The following PARD3B variants were observed in gnomAD, a reference collection of about 807,000 sequenced individuals.
PARD3B encodes par-3 family cell polarity regulator beta, also known as partitioning defective 3 homolog B.
PARD3B carries 103 observed loss-of-function variants against 130.2 expected under a neutral mutation model. The ratio of observed to expected loss-of-function variants is 0.79; its 90% CI spans 0.67 to 0.93. PARD3B has a LOEUF of 0.93. Among genes scored for constraint, PARD3B ranks in the 40% least tolerant of loss-of-function variants. PARD3B has a pLI of 0.00. For missense variants in PARD3B, 1,609 were observed against 1,499.2 expected (o/e 1.07, Z -1.21); for synonymous variants, 583 against 553.2 (o/e 1.05, Z -0.76).
At chr2:205,327,933 T>C (rs2042990036) in intron 18 of PARD3B, among the ~76,000 whole-genome samples, 1 of 152,218 alleles carries the variant, frequency 6.6e-6, no homozygotes, top group Admixed American at 6.5e-5. Context: ...TTTTATTTTT[T>C]CTGTTGAAAA....
chr2:205,510,175 A>G (rs2050536119), intron 21 of PARD3B, among the ~76,000 whole-genome samples: 1 of 152,222 alleles, frequency 6.6e-6, no homozygotes, highest in South Asian at 2.1e-4. Context: ...GTGAGAGAAT[A>G]GTACTGTCTC....
intron 1 of PARD3B, among the ~76,000 whole-genome samples, chr2:204,604,743 A>T (rs1410000338): frequency 6.6e-6 from 1 of 152,176 alleles, no homozygotes; most frequent in African/African-American, 2.4e-5. Flanking sequence ...TCCTTTAATA[A>T]ACAGTGCATT....
At position 204,656,577 on chromosome 2, in the gene PARD3B, C is replaced by G. The variant is rs993329723; in HGVS notation, c.121-29604C>G. Among the ~76,000 whole-genome samples, 6 of 152,308 alleles carry G rather than the reference C, an allele frequency of 3.9e-5. No individual in the cohort carries two copies. The South Asian group carries it at 1.0e-3, about 26-fold the overall frequency. ...GTTGAGAGCCACCCAGTCCTTAAATCACATTCTTGACAGAAGTGGAACTAT... is the reference window on the plus strand; with the variant it reads ...GTTGAGAGCCACCCAGTCCTTAAATGACATTCTTGACAGAAGTGGAACTAT... On this transcript the variant is annotated intron_variant, in intron 1 of 22. Coordinates refer to ENST00000406610, the MANE Select transcript of PARD3B (RefSeq NM_001302769.2).
chr2:205,610,405 T>C (rs1046327912), intron 22 of PARD3B, among the ~76,000 whole-genome samples: 2 of 152,220 alleles, frequency 1.3e-5, no homozygotes, highest in African/African-American at 4.8e-5. Flanking sequence ...ATTGCATTTA[T>C]GACAGAGACA....
At chr2:204,616,664 C>T (rs756043329) in intron 1 of PARD3B, among the ~76,000 whole-genome samples, 1 of 152,200 alleles carries the variant, frequency 6.6e-6, no homozygotes, top group Non-Finnish European at 1.5e-5. Context: ...AAAATCTGCA[C>T]ATGTATATTT....
At position 205,119,026 on chromosome 2, in the gene PARD3B, C is replaced by A. The variant is rs770309576; in HGVS notation, c.786C>A (p.Leu262=). The change falls in exon 7 of 23, where the codon CTC becomes CTA. Residue 262 remains leucine (L), a synonymous_variant. Transcript: ENST00000406610. The part of the protein sequence containing the change: ...ECIVKINNVD[L]VDKTFAQAQD... The stretch of plus-strand genomic sequence containing the variant: ...TTGTAAAAATCAACAATGTGGATCT[C>A]GTAGACAAAACCTTTGCTCAGTAAG... 1.5e-5 allele frequency: 24 copies of A among 1,603,928 alleles called. No homozygotes were observed. The highest frequency in any genetic ancestry group is 1.5e-5 in the Non-Finnish European group (18 of 1,176,654).
At position 205,351,311 on chromosome 2, in the gene PARD3B, C is replaced by T. The variant is rs2043986978; in HGVS notation, c.2630+49610C>T. Among the ~76,000 whole-genome samples the T allele has an allele frequency of 6.6e-6, 1 of 152,144 alleles. No homozygotes were observed. Among genetic ancestry groups the T allele is most frequent in the African/African-American group, 2.4e-5 (1 of 41,430 alleles). On this transcript the variant is annotated intron_variant, in intron 18 of 22. Coordinates refer to ENST00000406610, the MANE Select transcript of PARD3B (RefSeq NM_001302769.2). The surrounding 1 kb of genome is among the most constrained non-coding windows in gnomAD (Gnocchi z 4.2). Reference sequence around the variant, plus strand: ...AGACCACTCCTTTGTGGAGTTGTATCAGGGAATAGTCTCTTAATCCCAGTT... The same window carrying T: ...AGACCACTCCTTTGTGGAGTTGTATTAGGGAATAGTCTCTTAATCCCAGTT...
chr2:205,016,018 C>T (rs1352097198), intron 3 of PARD3B, among the ~76,000 whole-genome samples: 1 of 152,170 alleles, frequency 6.6e-6, no homozygotes, highest in Admixed American at 6.5e-5. Flanking sequence ...GGTTTTGTCT[C>T]TCCAAAATAA....
At chr2:204,679,059 G>C (rs754099468) in intron 1 of PARD3B, among the ~76,000 whole-genome samples, 2 of 152,114 alleles carry the variant, frequency 1.3e-5, no homozygotes, top group South Asian at 4.1e-4. Context: ...AAAGGTGCTT[G>C]TTTTGTATTT....
chr2:205,571,324 T>G (rs1444497279), intron 22 of PARD3B, among the ~76,000 whole-genome samples: 1 of 152,246 alleles, frequency 6.6e-6, no homozygotes, highest in East Asian at 1.9e-4. Flanking sequence ...TTTTTACATA[T>G]GAGTAACTTC....
chr2:204,566,351 A>G (rs535061837), intron 1 of PARD3B, among the ~76,000 whole-genome samples: 596 of 152,366 alleles, frequency 3.9e-3, no homozygotes, highest in Non-Finnish European at 6.8e-3. Flanking sequence ...TCATTAGGAA[A>G]TGGCACTGCC....
Position 205,160,142 on chromosome 2 carries a change from G to A in PARD3B, c.1620+1235G>A, listed in dbSNP as rs2034423257. ...TTCACTGGGAAATAAATGTACTTTG[G>A]ACAGACACCTCTTCAGTTTACTCCT... On this transcript the variant is annotated intron_variant, in intron 11 of 22. Transcript: ENST00000406610. The surrounding 1 kb of genome is among the most constrained non-coding windows in gnomAD (Gnocchi z 4.0). Among the ~76,000 whole-genome samples the A allele has an allele frequency of 6.6e-6, 1 of 152,136 alleles. No homozygotes were observed. The highest frequency in any genetic ancestry group is 6.5e-5 in the Admixed American group (1 of 15,280).
At chr2:205,607,841 C>T (rs55990263) in intron 22 of PARD3B, among the ~76,000 whole-genome samples, 7,116 of 142,296 alleles carry the variant, frequency 0.05, 505 homozygotes, top group African/African-American at 0.15. Context: ...TACACACACA[C>T]ACACACACAC....
chr2:205,164,822 T>TACGCACACACACAC (rs71409002), intron 11 of PARD3B, among the ~76,000 whole-genome samples: 2 of 147,352 alleles, frequency 1.4e-5, no homozygotes, highest in South Asian at 2.2e-4. Flanking sequence ...TATATATGTA[T>TACGCACACACACAC]ACACACACAC....
chr2:204,984,199 A>G (rs1326830911), intron 3 of PARD3B, among the ~76,000 whole-genome samples: 1 of 152,130 alleles, frequency 6.6e-6, no homozygotes, highest in Non-Finnish European at 1.5e-5. Context: ...TTAATAAAAT[A>G]TACATTTCTC....
chr2:204,672,218 C>A (rs1002086381), intron 1 of PARD3B, among the ~76,000 whole-genome samples: 8 of 152,206 alleles, frequency 5.3e-5, no homozygotes, highest in African/African-American at 1.9e-4. Context: ...CTTTTATTAG[C>A]AGGCTATTTT....
At chr2:204,794,580 G>T (rs562874080) in intron 2 of PARD3B, among the ~76,000 whole-genome samples, 2 of 152,170 alleles carry the variant, frequency 1.3e-5, no homozygotes, top group Non-Finnish European at 2.9e-5. Context: ...GGTCTTCCCA[G>T]TGTATAATTG....
chr2:205,144,324 C>A (rs2033191569), intron 10 of PARD3B, among the ~76,000 whole-genome samples: 1 of 152,176 alleles, frequency 6.6e-6, no homozygotes, highest in African/African-American at 2.4e-5. Context: ...CCTCAGCCAA[C>A]CTGTAGATAT....
intron 3 of PARD3B, among the ~76,000 whole-genome samples, chr2:205,039,947 G>A (rs1698276660): frequency 6.6e-6 from 1 of 151,996 alleles, no homozygotes; most frequent in Non-Finnish European, 1.5e-5. Context: ...CTGGGCTTCA[G>A]TTCTTTTTTT....
Sources: gnomAD v4.1 joint callset for allele counts (sites outside exome capture counted in the v4.1 genomes callset) on GRCh38, gnomAD v4.1.1 for gene constraint, Gnocchi (gnomAD v3.1) non-coding constraint, MANE v1.5 for transcripts, NCBI Gene and HGNC (gene_info 2026-07-23, HGNC 2026-07-21) for gene names.